Variants in DSCAM observed in about 807,000 individuals in gnomAD.
DSCAM encodes DS cell adhesion molecule, also known as cell adhesion molecule DSCAM.
In DSCAM, 47 loss-of-function variants were observed where a neutral mutation model predicts 217.7. The observed-to-expected ratio is 0.22, with a 90% confidence interval of 0.17 to 0.28. The LOEUF is 0.28. DSCAM is among the 10% of genes least tolerant of loss of function. The pLI is 1.00. For synonymous variants in DSCAM, 1,056 were observed against 1,015.3 expected (o/e 1.04, Z -0.76); for missense variants, 2,080 against 2,618.3 (o/e 0.79, Z 4.49).
chr21:40,384,861 C>G (rs2075066993), intron 3 of DSCAM: 2 of 152,136 alleles, frequency 1.3e-5, no homozygotes, highest in South Asian at 2.1e-4. Flanking sequence ...TGAAAAAGTA[C>G]CAATCACCCA....
chr21:40,028,939 A>G (rs1339045424), intron 32 of DSCAM, among the ~76,000 whole-genome samples: 1 of 151,836 alleles, frequency 6.6e-6, no homozygotes, highest in Non-Finnish European at 1.5e-5. Flanking sequence ...CTATCCACAA[A>G]GCAGGCAGCA....
At chr21:40,586,126 G>A (rs1037898475) in intron 3 of DSCAM, among the ~76,000 whole-genome samples, 1 of 152,086 alleles carries the variant, frequency 6.6e-6, no homozygotes. Flanking sequence ...CAAACTGCTG[G>A]GATTATAGAC....
chr21:40,615,198 C>T (rs1223555178), intron 3 of DSCAM, among the ~76,000 whole-genome samples: 1 of 148,196 alleles, frequency 6.7e-6, no homozygotes, highest in Non-Finnish European at 1.5e-5. Flanking sequence ...CAGGAGAATG[C>T]CTTGAACCAG....
intron 1 of DSCAM, among the ~76,000 whole-genome samples, chr21:40,733,426 T>C (rs1169173940): frequency 2.0e-5 from 3 of 152,196 alleles, no homozygotes; most frequent in Admixed American, 2.0e-4. Context: ...ATTAGCAATG[T>C]TTGGAGATAC....
chr21:40,637,608 TATATATAAATATATACATATATAA>T (rs1224229346), intron 3 of DSCAM, among the ~76,000 whole-genome samples: 4 of 49,300 alleles, frequency 8.1e-5, no homozygotes, highest in African/African-American at 2.8e-4. Context: ...TATATATAAA[TATATATAAATATATACATATATAA>T]ATATATATAA....
intron 1 of DSCAM, among the ~76,000 whole-genome samples, chr21:40,743,307 T>G (rs75160058): frequency 6.6e-6 from 1 of 152,172 alleles, no homozygotes; most frequent in Non-Finnish European, 1.5e-5. Flanking sequence ...TTCAATACCA[T>G]CTTGCCCAAA....
At chr21:40,781,203 A>G (rs2091541410) in intron 1 of DSCAM, among the ~76,000 whole-genome samples, 1 of 152,090 alleles carries the variant, frequency 6.6e-6, no homozygotes, top group African/African-American at 2.4e-5. Context: ...TAAAAATAGT[A>G]GAGATGGGGT....
At chr21:40,460,783 AAAT>A (rs2075799731) in intron 3 of DSCAM, among the ~76,000 whole-genome samples, 1 of 152,246 alleles carries the variant, frequency 6.6e-6, no homozygotes, top group African/African-American at 2.4e-5. Flanking sequence ...AGAACGGCAG[AAAT>A]AATAATGCTG....
At chr21:40,703,206 G>A (rs2090675949) in intron 2 of DSCAM, among the ~76,000 whole-genome samples, 1 of 152,090 alleles carries the variant, frequency 6.6e-6, no homozygotes, top group African/African-American at 2.4e-5. Context: ...TTTTGTGTCT[G>A]AGAAAGCCTT....
At chr21:40,598,062 T>C (rs1430215408) in intron 3 of DSCAM, among the ~76,000 whole-genome samples, 1 of 152,186 alleles carries the variant, frequency 6.6e-6, no homozygotes, top group Non-Finnish European at 1.5e-5. Context: ...TGCAGAATAG[T>C]TTTACTGCCT....
At chr21:40,256,018 T>C (rs2073365685) in intron 11 of DSCAM, among the ~76,000 whole-genome samples, 1 of 152,194 alleles carries the variant, frequency 6.6e-6, no homozygotes, top group African/African-American at 2.4e-5. Flanking sequence ...TAAAAGGGTA[T>C]TTTCCTTAAG....
chr21:40,038,943 C>A (rs997440086), intron 32 of DSCAM, among the ~76,000 whole-genome samples: 1 of 146,662 alleles, frequency 6.8e-6, no homozygotes, highest in African/African-American at 2.5e-5. Context: ...CGCATATTCT[C>A]ACTCATAGGT....
intron 4 of DSCAM, among the ~76,000 whole-genome samples, chr21:40,355,883 A>G (rs922156292): frequency 6.6e-6 from 1 of 152,220 alleles, no homozygotes; most frequent in Non-Finnish European, 1.5e-5. Flanking sequence ...GTGAGAAAAG[A>G]CAGTGTTTGT....
chr21:40,697,916 G>T (rs1041864556), intron 2 of DSCAM, among the ~76,000 whole-genome samples: 7 of 152,100 alleles, frequency 4.6e-5, no homozygotes, highest in Non-Finnish European at 8.8e-5. Context: ...AGATCACTTT[G>T]AGTAGTATAG....
At chr21:40,578,693 G>A (rs570910045) in intron 3 of DSCAM, among the ~76,000 whole-genome samples, 2 of 152,278 alleles carry the variant, frequency 1.3e-5, no homozygotes, top group Admixed American at 6.5e-5. Flanking sequence ...TTTATGAGCT[G>A]TAACACTCAC....
chr21:40,495,044 A>G (rs115492571), intron 3 of DSCAM, among the ~76,000 whole-genome samples: 1 of 152,318 alleles, frequency 6.6e-6, no homozygotes, highest in African/African-American at 2.4e-5. Flanking sequence ...AATCATGAAT[A>G]TAACAATCTG....
chr21:40,759,965 T>C (rs2091314401), intron 1 of DSCAM, among the ~76,000 whole-genome samples: 1 of 12,944 alleles, frequency 7.7e-5, no homozygotes, highest in Non-Finnish European at 1.4e-4. Flanking sequence ...TTACATTTAT[T>C]TATTTATTTA....
intron 3 of DSCAM, among the ~76,000 whole-genome samples, chr21:40,511,290 G>T (rs1034051452): frequency 7.9e-5 from 12 of 151,698 alleles, no homozygotes; most frequent in Non-Finnish European, 1.5e-4. Flanking sequence ...AAGTTAACAG[G>T]GCTGATAAAA....
rs1196747555 is a variant in DSCAM at position 40,846,774 on chromosome 21, C to T, written c.-113G>A. The stretch of plus-strand genomic sequence containing the variant: ...ACCTGCCCGGGGGCCGCCGCCCGCC[C>T]GCCGCCCGCCGCCGCCGCCGCCGCT... On this transcript the variant is annotated 5_prime_UTR_variant, in exon 1 of 33. Coordinates refer to ENST00000400454, the MANE Select transcript of DSCAM (RefSeq NM_001389.5). 2.7e-5 allele frequency: 9 copies of T among 331,690 alleles called. No individual in the cohort carries two copies. Among genetic ancestry groups the T allele is most frequent in the South Asian group, 1.1e-4 (1 of 9,072 alleles). 20.5% of individuals were successfully genotyped at this position (331,690 alleles called of 1,614,324 possible). A position where few individuals can be genotyped will look rare whatever the true frequency, so the allele number is the denominator to read the frequency against.
Sources: gnomAD v4.1 joint callset for allele counts (sites outside exome capture counted in the v4.1 genomes callset) on GRCh38, gnomAD v4.1.1 for gene constraint, MANE v1.5 for transcripts, NCBI Gene and HGNC (gene_info 2026-07-23, HGNC 2026-07-21) for gene names.